Variants in XKR6 observed in about 807,000 individuals in gnomAD.
XKR6 encodes XK-related protein 6.
In XKR6, 22 loss-of-function variants were observed where a neutral mutation model predicts 56.7. The observed-to-expected ratio is 0.39, with a 90% confidence interval of 0.28 to 0.55. The LOEUF (loss-of-function observed/expected upper bound fraction) is 0.55, where lower values mean the gene tolerates loss of function less well. Among genes scored for constraint, XKR6 ranks in the 20% least tolerant of loss-of-function variants. XKR6 has a pLI of 0.66. For missense variants in XKR6, 852 were observed against 889.0 expected (o/e 0.96, Z 0.53); for synonymous variants, 524 against 387.8 (o/e 1.35, Z -4.13).
At chr8:11,133,659 G>A (rs1359978874) in intron 1 of XKR6, among the ~76,000 whole-genome samples, 2 of 152,094 alleles carry the variant, frequency 1.3e-5, no homozygotes, top group African/African-American at 4.8e-5. Context: ...CATGCTGGCA[G>A]GGCTATACCT....
chr8:11,046,685 C>T (rs924808786), intron 1 of XKR6, among the ~76,000 whole-genome samples: 3 of 152,058 alleles, frequency 2.0e-5, no homozygotes, highest in South Asian at 2.1e-4. Context: ...ATAAGCCAGC[C>T]GCTTATTCAC....
intron 1 of XKR6, among the ~76,000 whole-genome samples, chr8:11,102,904 T>A (rs539189596): frequency 6.6e-6 from 1 of 152,254 alleles, no homozygotes; most frequent in Non-Finnish European, 1.5e-5. Context: ...GTTTCAAACC[T>A]ATAAGGTGGT....
intron 1 of XKR6, among the ~76,000 whole-genome samples, chr8:10,980,748 T>C (rs759997046): frequency 2.6e-4 from 39 of 152,316 alleles, no homozygotes; most frequent in Non-Finnish European, 4.7e-4. Flanking sequence ...ATCTATCGTC[T>C]ATCACCTATC....
chr8:11,198,993 A>G (rs113396235), intron 1 of XKR6, among the ~76,000 whole-genome samples: 1,528 of 151,952 alleles, frequency 0.01, 38 homozygotes, highest in South Asian at 0.088. Context: ...GTGGGTGTTT[A>G]GGAATTTAGA....
intron 2 of XKR6, among the ~76,000 whole-genome samples, chr8:10,912,652 CTATA>C (rs1800431731): frequency 2.5e-5 from 1 of 39,684 alleles, no homozygotes; most frequent in African/African-American, 1.3e-4. Flanking sequence ...AAGAGGGTGT[CTATA>C]TGTGTGTCTA....
chr8:11,191,681 G>A (rs1803585336), intron 1 of XKR6, among the ~76,000 whole-genome samples: 1 of 122,704 alleles, frequency 8.1e-6, no homozygotes, highest in Non-Finnish European at 1.7e-5. Flanking sequence ...CAGGACACTG[G>A]AAAAAAGTCA....
At chr8:10,945,288 A>T (rs1360426111) in intron 1 of XKR6, among the ~76,000 whole-genome samples, 1 of 152,218 alleles carries the variant, frequency 6.6e-6, no homozygotes, top group Non-Finnish European at 1.5e-5. Flanking sequence ...GTTCGACACC[A>T]GCCTGGTCAA....
chr8:11,166,329 C>T (rs1802070869), intron 1 of XKR6, among the ~76,000 whole-genome samples: 1 of 151,926 alleles, frequency 6.6e-6, no homozygotes, highest in Non-Finnish European at 1.5e-5. Flanking sequence ...AAAATGTGGC[C>T]TCAAGGTGTC....
intron 1 of XKR6, among the ~76,000 whole-genome samples, chr8:11,032,048 C>A (rs1051316816): frequency 6.6e-6 from 1 of 152,192 alleles, no homozygotes; most frequent in Non-Finnish European, 1.5e-5. Context: ...CAAGACAGGG[C>A]TCCCCCGTGG....
At chr8:11,058,880 AC>A (rs1799754670) in intron 1 of XKR6, among the ~76,000 whole-genome samples, 3 of 152,280 alleles carry the variant, frequency 2.0e-5, no homozygotes, top group Non-Finnish European at 4.4e-5. Flanking sequence ...ATGTATAGTC[AC>A]TGTGGGATAT....
chr8:11,046,687 C>T (rs1799418932), intron 1 of XKR6, among the ~76,000 whole-genome samples: 1 of 152,120 alleles, frequency 6.6e-6, no homozygotes, highest in Non-Finnish European at 1.5e-5. Flanking sequence ...AAGCCAGCCG[C>T]TTATTCACAA....
chr8:11,137,542 A>T, intron 1 of XKR6: 1 of 456,248 alleles, frequency 2.2e-6, no homozygotes, highest in African/African-American at 2.0e-5. Flanking sequence ...CGGTATACCC[A>T]TCACCCCAGT....
At chr8:11,170,773 A>G (rs1052456772) in intron 1 of XKR6, among the ~76,000 whole-genome samples, 3 of 152,228 alleles carry the variant, frequency 2.0e-5, no homozygotes, top group Non-Finnish European at 4.4e-5. Context: ...CAAGTACTGA[A>G]GCAAAATCTC....
chr8:11,140,771 G>A (rs187275243), intron 1 of XKR6, among the ~76,000 whole-genome samples: 52 of 151,862 alleles, frequency 3.4e-4, no homozygotes, highest in Admixed American at 2.4e-3. Flanking sequence ...GGTGGTGGGC[G>A]CCTGTAGTCC....
At chr8:10,974,242 T>C (rs76564024) in intron 1 of XKR6, among the ~76,000 whole-genome samples, 3,149 of 152,272 alleles carry the variant, frequency 0.021, 56 homozygotes, top group Non-Finnish European at 0.03. Context: ...GCACTGGGCA[T>C]TTCTGGCTTT....
At chr8:11,014,802 C>A (rs960846432) in intron 1 of XKR6, among the ~76,000 whole-genome samples, 1 of 152,060 alleles carries the variant, frequency 6.6e-6, no homozygotes, top group Non-Finnish European at 1.5e-5. Flanking sequence ...CGCAACATAC[C>A]CATGTAACAA....
intron 1 of XKR6, among the ~76,000 whole-genome samples, chr8:11,116,344 G>A (rs1424237670): frequency 2.6e-5 from 4 of 152,114 alleles, no homozygotes; most frequent in East Asian, 1.9e-4. Context: ...GAACCTGTCG[G>A]CTACCCACAG....
At chr8:11,125,231 T>G (rs1289457591) in intron 1 of XKR6, among the ~76,000 whole-genome samples, 1 of 152,096 alleles carries the variant, frequency 6.6e-6, no homozygotes, top group Non-Finnish European at 1.5e-5. Flanking sequence ...AGGACCAAGC[T>G]GAGGACCGGA....
intron 1 of XKR6, among the ~76,000 whole-genome samples, chr8:11,170,395 G>C (rs1203803250): frequency 1.3e-5 from 2 of 152,176 alleles, no homozygotes; most frequent in Non-Finnish European, 2.9e-5. Flanking sequence ...TATTGATTCA[G>C]GCTATACCAT....
Sources: gnomAD v4.1 joint callset for allele counts (sites outside exome capture counted in the v4.1 genomes callset) on GRCh38, gnomAD v4.1.1 for gene constraint, MANE v1.5 for transcripts, NCBI Gene and HGNC (gene_info 2026-07-23, HGNC 2026-07-21) for gene names.